Variants in VPS41 observed in about 807,000 individuals in gnomAD.
The protein encoded by VPS41 is vacuolar protein sorting-associated protein 41 homolog.
VPS41 carries 85 observed loss-of-function variants against 130.9 expected under a neutral mutation model. The observed-to-expected ratio is 0.65, with a 90% CI of 0.55 to 0.78. The LOEUF (loss-of-function observed/expected upper bound fraction) is 0.78, where lower values mean the gene tolerates loss of function less well. Among genes scored for constraint, VPS41 ranks in the 30% least tolerant of loss-of-function variants. The probability of loss-of-function intolerance (pLI) is 0.00; values close to 1 mark genes in which losing one functional copy is unlikely to be tolerated. For synonymous variants in VPS41, 335 were observed against 332.9 expected (o/e 1.01, Z -0.07); for missense variants, 874 against 1,018.7 (o/e 0.86, Z 1.93).
chr7:38,785,073 C>T (rs1361524680), intron 10 of VPS41, among the ~76,000 whole-genome samples: 1 of 152,186 alleles, frequency 6.6e-6, no homozygotes, highest in East Asian at 1.9e-4. Flanking sequence ...ATTGAGGGCC[C>T]TTTATGATAG....
Position 38,776,768 on chromosome 7 carries a change from A to G in VPS41, c.793T>C (p.Phe265Leu). Residue 265 changes from phenylalanine (F) to leucine (L), a missense_variant, in exon 11 of 29, where the codon TTT becomes CTT. Physicochemically the swap from Phe to Leu is conservative, Grantham distance 22 (BLOSUM62 0). Transcript: ENST00000310301. Reference protein sequence around the residue: ...PSRYVEIVSQFETEFYISGLA... With the variant: ...PSRYVEIVSQLETEFYISGLA... ...CCACTGATGTAGAATTCAGTTTCAA[A>G]CTGAGACACTGCAAACAAAAGGGAT... The G allele has an allele frequency of 6.2e-7, 1 of 1,601,738 alleles. No individual in the cohort carries two copies. The highest frequency in any genetic ancestry group is 1.1e-5 in the South Asian group (1 of 90,686).
rs932464169 is a variant in VPS41 at position 38,724,392 on chromosome 7, T to C, written c.*1854A>G. 3 of 152,196 alleles carry C rather than the reference T, an allele frequency of 2.0e-5. No individual in the cohort carries two copies. Among genetic ancestry groups the C allele is most frequent in the African/African-American group, 7.2e-5 (3 of 41,454 alleles). 9.4% of individuals were successfully genotyped at this position (152,196 alleles called of 1,614,324 possible). A position where few individuals can be genotyped will look rare whatever the true frequency, so the allele number is the denominator to read the frequency against. ...AGAACAAAACTGAAAACTAGCAGTG[T>C]AGCAGAAAGCACACTAGTCTTGGGA... On this transcript the variant is annotated 3_prime_UTR_variant, in exon 29 of 29. Coordinates refer to ENST00000310301, the MANE Select transcript of VPS41 (RefSeq NM_014396.4).
chr7:38,742,316 C>T (rs1279387758), intron 24 of VPS41, among the ~76,000 whole-genome samples, 195 bp from the exon 25 acceptor site: 5 of 152,170 alleles, frequency 3.3e-5, no homozygotes, highest in African/African-American at 9.7e-5. Flanking sequence ...CAAGAACTAA[C>T]GCTCCTTAAG....
chr7:38,828,435 T>C (rs1160666300), intron 5 of VPS41, among the ~76,000 whole-genome samples: 1 of 152,088 alleles, frequency 6.6e-6, no homozygotes, highest in Non-Finnish European at 1.5e-5. Flanking sequence ...CCCTAATAAA[T>C]AATTATTTAT....
intron 8 of VPS41, 40 bp from the exon 9 acceptor site, chr7:38,795,651 G>A (rs1402242531): frequency 6.4e-7 from 1 of 1,568,520 alleles, no homozygotes; most frequent in Non-Finnish European, 8.7e-7. Context: ...CTACTCAGGA[G>A]GAAAGTAACA....
intron 2 of VPS41, among the ~76,000 whole-genome samples, chr7:38,885,039 A>G (rs552746842): frequency 3.0e-4 from 45 of 152,240 alleles, no homozygotes; most frequent in African/African-American, 1.0e-3. Flanking sequence ...TATATAATAC[A>G]CCAAGAACCT....
rs1159056495 is a variant in VPS41 at position 38,728,536 on chromosome 7, T to C, written c.2404+6A>G. 1.2e-6 allele frequency: 2 copies of C among 1,614,034 alleles called. No individual in the cohort carries two copies. Among genetic ancestry groups the C allele is most frequent in the Non-Finnish European group, 1.7e-6 (2 of 1,180,018 alleles). ...TTTGGGATTTTTTTGGGGAAAACCTTCTTACCTGATGGAAGAATAGGGGAA... is the reference window on the plus strand; with the variant it reads ...TTTGGGATTTTTTTGGGGAAAACCTCCTTACCTGATGGAAGAATAGGGGAA... On this transcript the variant is annotated splice_donor_region_variant and intron_variant, in intron 27 of 28. Transcript: ENST00000310301.
chr7:38,889,261 A>G (rs1562625217), intron 2 of VPS41, among the ~76,000 whole-genome samples: 1 of 152,122 alleles, frequency 6.6e-6, no homozygotes. Flanking sequence ...GGTGAAGGGC[A>G]TAAACCTACA....
chr7:38,766,827 CT>C (rs1784054724), intron 15 of VPS41, among the ~76,000 whole-genome samples: 1 of 152,222 alleles, frequency 6.6e-6, no homozygotes, highest in Non-Finnish European at 1.5e-5. Flanking sequence ...GCTTCCCCTT[CT>C]GCCATGACTG....
intron 7 of VPS41, among the ~76,000 whole-genome samples, chr7:38,811,315 G>C (rs1300433983): frequency 6.6e-6 from 1 of 151,908 alleles, no homozygotes; most frequent in Non-Finnish European, 1.5e-5. Flanking sequence ...ACACCAAGCT[G>C]ATACACATTT....
chr7:38,790,726 G>A (rs963110791), intron 9 of VPS41, among the ~76,000 whole-genome samples: 1 of 152,170 alleles, frequency 6.6e-6, no homozygotes, highest in Non-Finnish European at 1.5e-5. Context: ...CATCAGAGGA[G>A]CCCAGGATCC....
intron 1 of VPS41, among the ~76,000 whole-genome samples, chr7:38,899,364 T>C (rs1787092066): frequency 6.6e-6 from 1 of 152,218 alleles, no homozygotes; most frequent in African/African-American, 2.4e-5. Context: ...TAATCCACAG[T>C]AACATTTTTG....
intron 10 of VPS41, among the ~76,000 whole-genome samples, chr7:38,788,169 T>C (rs1784472828): frequency 6.6e-6 from 1 of 152,158 alleles, no homozygotes; most frequent in African/African-American, 2.4e-5. Flanking sequence ...AAAAGATAGA[T>C]ATTATCACCT....
chr7:38,789,487 A>T (rs1046317135), intron 10 of VPS41, among the ~76,000 whole-genome samples: 1 of 152,128 alleles, frequency 6.6e-6, no homozygotes, highest in African/African-American at 2.4e-5. Flanking sequence ...ACAGAGACCA[A>T]GGAGAAGCTT....
intron 19 of VPS41, among the ~76,000 whole-genome samples, chr7:38,756,506 T>A (rs1277297620): frequency 2.0e-5 from 3 of 152,192 alleles, no homozygotes; most frequent in Non-Finnish European, 4.4e-5. Flanking sequence ...TTAGGAGGGA[T>A]AAATGAGTCA....
intron 2 of VPS41, among the ~76,000 whole-genome samples, chr7:38,890,412 T>C (rs1786835504): frequency 6.6e-6 from 1 of 152,146 alleles, no homozygotes; most frequent in South Asian, 2.1e-4. Flanking sequence ...CAAAAAAAGA[T>C]AGCACAGGGA....
intron 2 of VPS41, among the ~76,000 whole-genome samples, chr7:38,873,381 C>T (rs572061105): frequency 4.3e-4 from 65 of 151,564 alleles, no homozygotes; most frequent in African/African-American, 1.5e-3. Context: ...CTCTATATCA[C>T]ACTTTAAATA....
At chr7:38,791,963 G>A (rs1169502149) in intron 9 of VPS41, among the ~76,000 whole-genome samples, 1 of 152,138 alleles carries the variant, frequency 6.6e-6, no homozygotes, top group Non-Finnish European at 1.5e-5. Context: ...ACCCCTGAAA[G>A]ACAATGTTAT....
At chr7:38,745,447 C>T (rs1048797014) in intron 23 of VPS41, 112 bp downstream of exon 23, 2 of 804,364 alleles carry the variant, frequency 2.5e-6, no homozygotes, top group Non-Finnish European at 4.3e-6. Flanking sequence ...AAAATAGGCT[C>T]ATATTCTGTG....
Sources: allele counts gnomAD v4.1 joint callset (sites outside exome capture counted in the v4.1 genomes callset), GRCh38; gene constraint gnomAD v4.1.1; transcripts MANE v1.5; gene names NCBI Gene and HGNC (gene_info 2026-07-23, HGNC 2026-07-21).